SCIN: variants seen among roughly 807,000 people sequenced by gnomAD.
SCIN encodes the protein scinderin.
A neutral mutation model predicts 91.8 loss-of-function variants in SCIN; 91 were observed. The observed-to-expected ratio is 0.99, with a 90% CI of 0.84 to 1.18. The LOEUF is 1.18. SCIN is among the 50% of genes most tolerant of loss of function. SCIN has a pLI of 0.00. For missense variants in SCIN, 1,087 were observed against 863.9 expected, an observed-to-expected ratio of 1.26 and a Z score of -3.24; for synonymous variants, 367 against 312.6, an observed-to-expected ratio of 1.17 and a Z score of -1.84.
At chr7:12,618,122 G>A (rs920406768) in intron 4 of SCIN, among the ~76,000 whole-genome samples, 3 of 152,040 alleles carry the variant, frequency 2.0e-5, no homozygotes, top group East Asian at 3.9e-4. Flanking sequence ...GAGGCCTCTA[G>A]GGCTGCACTC....
chr7:12,642,925 A>G lies in SCIN; in HGVS notation c.1582-1213A>G, dbSNP rs147006513. On this transcript the variant is annotated intron_variant, in intron 11 of 15. Coordinates refer to ENST00000297029, the MANE Select transcript of SCIN (RefSeq NM_001112706.3). The stretch of plus-strand genomic sequence containing the variant: ...TCAGTCATATGGTTTAAATGCTACC[A>G]TATGTATTGATCTCATCCAGAACCT... 3.0e-4 allele frequency among the ~76,000 whole-genome samples: 46 copies of G among 152,190 alleles called. No homozygotes were observed. The East Asian group carries it at 8.3e-3, about 28-fold the overall frequency.
At position 12,657,572 on chromosome 7, in the gene SCIN, A is replaced by ATTTTT. The variant is rs71030521; in HGVS notation, c.*4879_*4883dup. 23 of 22,076 alleles carry ATTTTT rather than the reference A, an allele frequency of 1.0e-3. 1 individual carries two copies. Among genetic ancestry groups the ATTTTT allele is most frequent in the Middle Eastern group, 0.05 (1 of 20 alleles). The allele number at this position is 22,076 out of a possible 1,614,324, so 1.4% of individuals were successfully genotyped here. A position where few individuals can be genotyped will look rare whatever the true frequency, so the allele number is the denominator to read the frequency against. ...TATATATATATATATATATATATAT[A>ATTTTT]TTTTTTTTTTTTTTTTTTTTTTTTT... On this transcript the variant is annotated 3_prime_UTR_variant, in exon 16 of 16. Transcript: ENST00000297029.
intron 3 of SCIN, among the ~76,000 whole-genome samples, chr7:12,582,297 G>T (rs1277528716): frequency 1.3e-5 from 2 of 152,160 alleles, no homozygotes; most frequent in Admixed American, 1.3e-4. Flanking sequence ...TATTCCATCT[G>T]CATAGAGGAG....
In SCIN at chr7:12,640,350, C is replaced by T. The variant is rs1316448873; in HGVS notation, c.1414C>T (p.Arg472Ter). 8.2e-6 allele frequency: 13 copies of T among 1,583,782 alleles called. No homozygotes were observed. Among genetic ancestry groups the T allele is most frequent in the Non-Finnish European group, 1.0e-5 (12 of 1,166,404 alleles). Residue 472 changes from arginine (R) to a stop codon, truncating the protein, a stop_gained, in exon 11 of 16, where the codon CGA becomes TGA. Transcript: ENST00000297029. LOFTEE classifies it high-confidence loss of function. Reference protein sequence around the residue: ...RSLGGQAVQIRVSQGKEPVHL... With the variant: ...RSLGGQAVQI ...TATTCCCCCTCTCCCCCATCAGATCCGAGTCTCCCAAGGCAAAGAGCCTGT... is the reference window on the plus strand; with the variant it reads ...TATTCCCCCTCTCCCCCATCAGATCTGAGTCTCCCAAGGCAAAGAGCCTGT...
intron 4 of SCIN, among the ~76,000 whole-genome samples, chr7:12,615,474 C>T (rs1042430272): frequency 6.6e-6 from 1 of 152,140 alleles, no homozygotes; most frequent in Non-Finnish European, 1.5e-5. Flanking sequence ...TTCCCCTTCA[C>T]CTTCCGCCAT....
chr7:12,650,950 G>A (rs1370777578), intron 14 of SCIN, among the ~76,000 whole-genome samples: 1 of 152,132 alleles, frequency 6.6e-6, no homozygotes, highest in African/African-American at 2.4e-5. Flanking sequence ...AGGAAATGGG[G>A]ATAATGACTG....
At chr7:12,622,737 T>G in intron 4 of SCIN, 64 bp from the exon 5 acceptor site, 1 of 1,126,414 alleles carries the variant, frequency 8.9e-7, no homozygotes, top group Non-Finnish European at 1.3e-6. Context: ...AAGTGTATTT[T>G]TCTAACTCTG....
chr7:12,635,787 C>G (rs1783739152), intron 9 of SCIN, among the ~76,000 whole-genome samples: 1 of 151,854 alleles, frequency 6.6e-6, no homozygotes, highest in Non-Finnish European at 1.5e-5. Flanking sequence ...AATTACTTAG[C>G]TAAATTATGT....
chr7:12,590,296 C>T (rs1782690620), intron 3 of SCIN, among the ~76,000 whole-genome samples: 1 of 152,090 alleles, frequency 6.6e-6, no homozygotes, highest in African/African-American at 2.4e-5. Flanking sequence ...AGTCTATTTG[C>T]CAGTCCTCCC....
rs560912574 is a variant in SCIN at position 12,603,151 on chromosome 7, AT to A, written c.517-1352del. On this transcript the variant is annotated intron_variant, in intron 3 of 15. Coordinates refer to ENST00000297029, the MANE Select transcript of SCIN (RefSeq NM_001112706.3). ...TTTCTTGTTATTAAAAGCACATTTA[AT>A]TTTTTTTTTTGAGACAGTGTCTCGC... Among the ~76,000 whole-genome samples, 72 of 147,906 alleles carry A rather than the reference AT, an allele frequency of 4.9e-4. 2 individuals are homozygous for A. The South Asian group carries it at 9.7e-3, about 20-fold the overall frequency.
At position 12,604,650 on chromosome 7, in the gene SCIN, C is replaced by G. The variant is rs1265411586; in HGVS notation, c.653C>G (p.Ser218Ter). 1.9e-6 allele frequency: 3 copies of G among 1,551,884 alleles called. No homozygotes were observed. The highest frequency in any genetic ancestry group is 2.6e-6 in the Non-Finnish European group (3 of 1,147,062). Residue 218 changes from serine (S) to a stop codon, truncating the protein, a stop_gained, in exon 4 of 16, where the codon TCA becomes TGA. Coordinates refer to ENST00000297029, the MANE Select transcript of SCIN (RefSeq NM_001112706.3). LOFTEE classifies it high-confidence loss of function. ...LIVVEEGSEP[S>*]ELIKVLGEKP... ...GTCGTGGAAGAAGGAAGTGAACCCT[C>G]AGAACTTATAAAGGTATTGTGACTC... is the stretch of plus-strand genomic sequence containing the variant.
chr7:12,586,877 T>A (rs975569602), intron 3 of SCIN, among the ~76,000 whole-genome samples: 3 of 152,026 alleles, frequency 2.0e-5, no homozygotes, highest in Admixed American at 6.6e-5. Context: ...ACTTAAAAAA[T>A]GAGCTCATAG....
Position 12,596,273 on chromosome 7 carries a change from C to T in SCIN, c.517-8241C>T, listed in dbSNP as rs1259077833. 1.4e-5 allele frequency: 6 copies of T among 432,094 alleles called. No individual in the cohort carries two copies. In the East Asian group the frequency reaches 3.5e-4, roughly 25 times the overall value. 26.8% of individuals were successfully genotyped at this position (432,094 alleles called of 1,614,324 possible). ...GAGTCTTTCTTCCTTTTTCCAGTGGCGTGTCCCCAGAAGGTCATACTCCAC... is the reference window on the plus strand; with the variant it reads ...GAGTCTTTCTTCCTTTTTCCAGTGGTGTGTCCCCAGAAGGTCATACTCCAC... On this transcript the variant is annotated intron_variant, in intron 3 of 15. Coordinates refer to ENST00000297029, the MANE Select transcript of SCIN (RefSeq NM_001112706.3).
At chr7:12,608,546 C>T (rs1244936052) in intron 4 of SCIN, among the ~76,000 whole-genome samples, 1 of 152,130 alleles carries the variant, frequency 6.6e-6, no homozygotes, top group Non-Finnish European at 1.5e-5. Context: ...GGTACGGTCT[C>T]GGCACACTGC....
chr7:12,657,503 C>G lies in SCIN; in HGVS notation c.*4788C>G, dbSNP rs56760128. 1 of 128,500 alleles carries G rather than the reference C, an allele frequency of 7.8e-6. No individual in the cohort carries two copies. Among genetic ancestry groups the G allele is most frequent in the African/African-American group, 2.8e-5 (1 of 36,218 alleles). The allele number at this position is 128,500 out of a possible 1,614,324, so 8.0% of individuals were successfully genotyped here. ...GGATTACAGGCATGAGCCACCGCATCTGGACACGAATTTTTAAGTTTTATA... is the reference window on the plus strand; with the variant it reads ...GGATTACAGGCATGAGCCACCGCATGTGGACACGAATTTTTAAGTTTTATA... On this transcript the variant is annotated 3_prime_UTR_variant, in exon 16 of 16. Transcript: ENST00000297029.
At chr7:12,645,090 C>T (rs1481391093) in intron 13 of SCIN, among the ~76,000 whole-genome samples, 8 of 149,932 alleles carry the variant, frequency 5.3e-5, no homozygotes, top group Non-Finnish European at 8.8e-5. Flanking sequence ...GAAGCTGAGA[C>T]GGGTGTATCA....
At chr7:12,643,240 T>A (rs7799707) in intron 11 of SCIN, among the ~76,000 whole-genome samples, 39,336 of 151,992 alleles carry the variant, frequency 0.26, 5,616 homozygotes, top group Non-Finnish European at 0.32. Context: ...ATTTTACAGG[T>A]CTTTCTGTCT....
At chr7:12,645,716 G>GT (rs1783952911) in intron 13 of SCIN, among the ~76,000 whole-genome samples, 1 of 151,986 alleles carries the variant, frequency 6.6e-6, no homozygotes, top group Admixed American at 6.6e-5. Flanking sequence ...CATCATTTAG[G>GT]TCCCACTTAT....
rs951090977 is a variant in SCIN, at chr7:12,604,647, C to T, written c.650C>T (p.Pro217Leu). The change falls in exon 4 of 16, where the codon CCC (proline) becomes CTC (leucine). Residue 217 changes from proline (P) to leucine (L), a missense_variant. By Grantham distance (98) the Pro-to-Leu change is moderately conservative. Coordinates refer to ENST00000297029, the MANE Select transcript of SCIN (RefSeq NM_001112706.3). Reference sequence around the variant, plus strand: ...ATTGTCGTGGAAGAAGGAAGTGAACCCTCAGAACTTATAAAGGTATTGTGA... The same window carrying T: ...ATTGTCGTGGAAGAAGGAAGTGAACTCTCAGAACTTATAAAGGTATTGTGA... ...ELIVVEEGSE[P>L]SELIKVLGEK... 4 of 1,551,860 alleles carry T rather than the reference C, an allele frequency of 2.6e-6. No homozygotes were observed. The highest frequency in any genetic ancestry group is 1.2e-5 in the South Asian group (1 of 84,030).
Sources: allele counts gnomAD v4.1 joint callset (sites outside exome capture counted in the v4.1 genomes callset), GRCh38; gene constraint gnomAD v4.1.1; transcripts MANE v1.5; gene names NCBI Gene and HGNC (gene_info 2026-07-23, HGNC 2026-07-21).